Variants in GALNT11 observed in about 807,000 individuals in gnomAD.
GALNT11 encodes polypeptide N-acetylgalactosaminyltransferase 11.
In GALNT11, 47 loss-of-function variants were observed where a neutral mutation model predicts 72.7. The ratio of observed to expected loss-of-function variants is 0.65; its 90% CI spans 0.51 to 0.82. The LOEUF is 0.82. GALNT11 is among the 40% of genes least tolerant of loss of function. The pLI, the probability that GALNT11 is intolerant of heterozygous loss-of-function variation, is 0.00. For synonymous variants in GALNT11, 270 were observed against 286.6 expected (o/e 0.94, Z 0.58); for missense variants, 677 against 778.4 (o/e 0.87, Z 1.55).
At chr7:152,040,172 C>G (rs2082786293) in intron 1 of GALNT11, among the ~76,000 whole-genome samples, 1 of 151,574 alleles carries the variant, frequency 6.6e-6, no homozygotes, top group African/African-American at 2.4e-5. Flanking sequence ...GAATGCCCAC[C>G]ACTGCAAAAT....
chr7:152,109,765 C>T (rs886124168), intron 6 of GALNT11, among the ~76,000 whole-genome samples: 1 of 152,062 alleles, frequency 6.6e-6, no homozygotes, highest in African/African-American at 2.4e-5. Flanking sequence ...TGTTTTTTCC[C>T]TGCAGAGATA....
intron 1 of GALNT11, among the ~76,000 whole-genome samples, chr7:152,040,404 C>T (rs1013552034): frequency 3.9e-5 from 6 of 152,188 alleles, no homozygotes; most frequent in South Asian, 2.1e-4. Context: ...AGTTGGGCAT[C>T]GCTGGATAAT....
chr7:152,109,010 G>T (rs184491377), intron 6 of GALNT11, among the ~76,000 whole-genome samples: 20 of 148,916 alleles, frequency 1.3e-4, no homozygotes, highest in African/African-American at 5.1e-4. Flanking sequence ...TGTTATCGTT[G>T]CTTATTTGTT....
At chr7:152,102,633 C>T (rs1162084081) in intron 3 of GALNT11, among the ~76,000 whole-genome samples, 4 of 151,964 alleles carry the variant, frequency 2.6e-5, no homozygotes, top group Non-Finnish European at 5.9e-5. Flanking sequence ...AAGAAGAAAC[C>T]GTATTGTTTT....
At chr7:152,083,695 A>T (rs1426127383) in intron 1 of GALNT11, among the ~76,000 whole-genome samples, 1 of 152,184 alleles carries the variant, frequency 6.6e-6, no homozygotes, top group African/African-American at 2.4e-5. Context: ...AATGAACTTT[A>T]TAATTAACTT....
At chr7:152,041,598 C>G (rs997313112) in intron 1 of GALNT11, among the ~76,000 whole-genome samples, 1 of 152,198 alleles carries the variant, frequency 6.6e-6, no homozygotes, top group Non-Finnish European at 1.5e-5. Context: ...ATTAGCAAAT[C>G]TAGAGTCTTC....
At chr7:152,040,797 A>G (rs1245071414) in intron 1 of GALNT11, among the ~76,000 whole-genome samples, 1 of 152,248 alleles carries the variant, frequency 6.6e-6, no homozygotes. Context: ...TTTGAGCTGA[A>G]CCATAGGGCA....
chr7:152,054,602 A>G (rs1057391537), intron 1 of GALNT11, among the ~76,000 whole-genome samples: 1 of 135,504 alleles, frequency 7.4e-6, no homozygotes, highest in Non-Finnish European at 1.5e-5. Context: ...GCCTTGATTT[A>G]GTGGGCTCAA....
intron 1 of GALNT11, among the ~76,000 whole-genome samples, chr7:152,072,966 T>C (rs978296208): frequency 6.6e-5 from 10 of 152,222 alleles, no homozygotes; most frequent in Non-Finnish European, 1.3e-4. Context: ...GGAATAAGCA[T>C]TTATTTCCAA....
chr7:152,080,566 G>A (rs573308414), intron 1 of GALNT11, among the ~76,000 whole-genome samples: 2 of 152,298 alleles, frequency 1.3e-5, no homozygotes, highest in South Asian at 4.1e-4. Context: ...AGATTATATA[G>A]CAAAACATTA....
At chr7:152,028,189 A>G (rs1390202709) in intron 1 of GALNT11, among the ~76,000 whole-genome samples, 1 of 152,196 alleles carries the variant, frequency 6.6e-6, no homozygotes, top group Non-Finnish European at 1.5e-5. Context: ...TGCTGGCTCC[A>G]GTGGCCTGCT....
chr7:152,077,319 A>G (rs989453901), intron 1 of GALNT11, among the ~76,000 whole-genome samples: 1 of 152,234 alleles, frequency 6.6e-6, no homozygotes, highest in Non-Finnish European at 1.5e-5. Flanking sequence ...GGGAGATGAT[A>G]GAAAACCAGA....
Position 152,091,392 on chromosome 7 carries a change from C to T in GALNT11, c.-38-2798C>T, listed in dbSNP as rs10230821. Among the ~76,000 whole-genome samples, 1,139 of 152,116 alleles carry T rather than the reference C, an allele frequency of 7.5e-3. 16 individuals are homozygous for T. Among genetic ancestry groups the T allele is most frequent in the African/African-American group, 0.026 (1,094 of 41,470 alleles). ...AGTAGCTGGAATTACAGGTGTGCGC[C>T]GCCACGTCCCGCTAATTTTTTGTAT... On this transcript the variant is annotated intron_variant, in intron 1 of 11. Transcript: ENST00000430044.
At chr7:152,061,475 T>G (rs1190313056) in intron 1 of GALNT11, among the ~76,000 whole-genome samples, 2 of 152,226 alleles carry the variant, frequency 1.3e-5, no homozygotes, top group Non-Finnish European at 2.9e-5. Flanking sequence ...GCTCTTTAGT[T>G]TAATTAGATC....
intron 8 of GALNT11, among the ~76,000 whole-genome samples, chr7:152,116,428 C>T (rs10231968): frequency 2.0e-5 from 3 of 151,976 alleles, no homozygotes; most frequent in Non-Finnish European, 4.4e-5. Context: ...CGTAGAGACA[C>T]GGTTTCACCA....
At chr7:152,047,947 A>G (rs886502660) in intron 1 of GALNT11, among the ~76,000 whole-genome samples, 2 of 151,932 alleles carry the variant, frequency 1.3e-5, no homozygotes, top group African/African-American at 2.4e-5. Flanking sequence ...ACACACCACA[A>G]TGACGGTACT....
intron 10 of GALNT11, 77 bp downstream of exon 10, chr7:152,118,859 C>T (rs1053652482): frequency 3.5e-6 from 4 of 1,137,110 alleles, no homozygotes; most frequent in Non-Finnish European, 5.1e-6. Flanking sequence ...CCAGTCACTC[C>T]TGAGGACATC....
intron 1 of GALNT11, among the ~76,000 whole-genome samples, chr7:152,064,284 CT>C (rs2084184236): frequency 1.3e-5 from 2 of 152,050 alleles, no homozygotes; most frequent in African/African-American, 4.8e-5. Flanking sequence ...CAACCCCTGC[CT>C]TTTTTTGTTT....
intron 1 of GALNT11, among the ~76,000 whole-genome samples, chr7:152,041,505 A>G (rs2082857556): frequency 6.6e-6 from 1 of 152,248 alleles, no homozygotes; most frequent in African/African-American, 2.4e-5. Flanking sequence ...GTTAGAGTCC[A>G]TGAATTAGCA....
Sources: gnomAD v4.1 joint callset for allele counts (sites outside exome capture counted in the v4.1 genomes callset) on GRCh38, gnomAD v4.1.1 for gene constraint, MANE v1.5 for transcripts, NCBI Gene and HGNC (gene_info 2026-07-23, HGNC 2026-07-21) for gene names.